Variants in RHOBTB2 observed in about 807,000 individuals in gnomAD.
RHOBTB2 encodes the protein rho-related BTB domain-containing protein 2.
Under a neutral mutation model 66.5 loss-of-function variants are expected in RHOBTB2, and 39 were observed. That is an observed-to-expected ratio of 0.59 (90% CI 0.45 to 0.77). The LOEUF (loss-of-function observed/expected upper bound fraction) is 0.77, where lower values mean the gene tolerates loss of function less well. Among genes scored for constraint, RHOBTB2 ranks in the 30% least tolerant of loss-of-function variants. The pLI, the probability that RHOBTB2 is intolerant of heterozygous loss-of-function variation, is 0.00. For missense variants in RHOBTB2, 755 were observed against 999.1 expected, an observed-to-expected ratio of 0.76 and a Z score of 3.29; for synonymous variants, 390 against 395.0, an observed-to-expected ratio of 0.99 and a Z score of 0.15.
the RHOBTB2 span, among the ~76,000 whole-genome samples, chr8:22,976,601 C>A: frequency 6.6e-6 from 1 of 152,176 alleles, no homozygotes; most frequent in Non-Finnish European, 1.5e-5. Context: ...GTCAGAAGCA[C>A]TGTTTTTGTT....
At chr8:22,978,241 G>T in the RHOBTB2 span, 1 of 152,062 alleles carries the variant, frequency 6.6e-6, no homozygotes, top group Non-Finnish European at 1.5e-5. Context: ...GAAAAGTTAT[G>T]GCCCAAAAAA....
At chr8:22,966,922 T>C in the RHOBTB2 span, among the ~76,000 whole-genome samples, 1 of 152,202 alleles carries the variant, frequency 6.6e-6, no homozygotes, top group African/African-American at 2.4e-5. Context: ...TACAAGGATG[T>C]AGAGACATTA....
At chr8:23,014,550 G>A in intron 7 of RHOBTB2, 140 bp from the exon 8 acceptor site, 1 of 682,660 alleles carries the variant, frequency 1.5e-6, no homozygotes, top group Non-Finnish European at 2.6e-6. Context: ...AGACGTCATA[G>A]CCTGGGGCCT....
At chr8:22,980,854 T>G in the RHOBTB2 span, among the ~76,000 whole-genome samples, 1 of 152,246 alleles carries the variant, frequency 6.6e-6, no homozygotes, top group South Asian at 2.1e-4. Context: ...TGTTTCAACT[T>G]GATTACATTA....
intron 7 of RHOBTB2, among the ~76,000 whole-genome samples, chr8:23,014,103 T>C (rs1349150273): frequency 2.0e-5 from 3 of 152,230 alleles, no homozygotes; most frequent in Admixed American, 6.5e-5. Flanking sequence ...TTCTAGGTCT[T>C]TTCTGGGGGC....
upstream of RHOBTB2, among the ~76,000 whole-genome samples, chr8:22,983,701 T>C (rs774689065): frequency 8.3e-4 from 127 of 152,170 alleles, no homozygotes; most frequent in Non-Finnish European, 1.5e-3. Context: ...TGGTTTCACA[T>C]ACTTTGGATG....
In RHOBTB2 at chr8:23,018,187, C is replaced by T. The variant is rs1445465659; in HGVS notation, c.*718C>T. On this transcript the variant is annotated 3_prime_UTR_variant, in exon 10 of 10. Transcript: ENST00000251822. ...GTGCAACAAGAAACTTCTCCCTCACCCCCTCCTTTACCCTCAGATTTGGAG... is the reference window on the plus strand; with the variant it reads ...GTGCAACAAGAAACTTCTCCCTCACTCCCTCCTTTACCCTCAGATTTGGAG... 3 of 152,452 alleles carry T rather than the reference C, an allele frequency of 2.0e-5. No homozygotes were observed. Among genetic ancestry groups the T allele is most frequent in the African/African-American group, 7.2e-5 (3 of 41,442 alleles). 9.4% of individuals were successfully genotyped at this position (152,452 alleles called of 1,614,324 possible).
chr8:22,968,768 G>T, the RHOBTB2 span, among the ~76,000 whole-genome samples: 1 of 132,924 alleles, frequency 7.5e-6, no homozygotes, highest in Non-Finnish European at 1.6e-5. Flanking sequence ...GAAGTAAGAC[G>T]CTGGGACAAC....
intron 3 of RHOBTB2, 27 bp from the exon 4 acceptor site, chr8:23,005,933 C>G: frequency 6.3e-7 from 1 of 1,597,116 alleles, no homozygotes; most frequent in Non-Finnish European, 8.6e-7. Context: ...TGTTTCTCTG[C>G]CCGTAACCTT....
In RHOBTB2 at chr8:23,000,342, T is replaced by G. The variant is rs1585186303; in HGVS notation, c.-11+237T>G. Among the ~76,000 whole-genome samples the G allele has an allele frequency of 2.0e-5, 3 of 152,326 alleles. No individual in the cohort carries two copies. The Middle Eastern group carries it at 0.01, about 518-fold the overall frequency. On this transcript the variant is annotated intron_variant, in intron 1 of 9. Transcript: ENST00000251822. ...CTGTCGTGCCCCTCCCCCTTCTCGATGTTTAAAAATTTTTAAATTTCTATT... is the reference window on the plus strand; with the variant it reads ...CTGTCGTGCCCCTCCCCCTTCTCGAGGTTTAAAAATTTTTAAATTTCTATT...
upstream of RHOBTB2, chr8:22,995,747 A>C: frequency 8.9e-7 from 1 of 1,119,512 alleles, no homozygotes; most frequent in Non-Finnish European, 1.3e-6. Context: ...ACTTTGCCCC[A>C]GCTGCAGGGT....
chr8:22,983,670 C>CT (rs1006500090), upstream of RHOBTB2, among the ~76,000 whole-genome samples: 11 of 151,732 alleles, frequency 7.2e-5, no homozygotes, highest in Middle Eastern at 3.2e-3. Context: ...AGAGGTATGA[C>CT]TTTTTTATCA....
the RHOBTB2 span, among the ~76,000 whole-genome samples, chr8:22,959,382 G>T: frequency 6.6e-6 from 1 of 152,170 alleles, no homozygotes; most frequent in Non-Finnish European, 1.5e-5. Flanking sequence ...GAGTAGCTGG[G>T]ATTACAGGTG....
At chr8:23,013,785 C>G (rs918771303) in intron 7 of RHOBTB2, among the ~76,000 whole-genome samples, 1 of 152,220 alleles carries the variant, frequency 6.6e-6, no homozygotes, top group Non-Finnish European at 1.5e-5. Flanking sequence ...CGTGAGCCAC[C>G]GTGCCCGGCC....
At chr8:23,011,381 T>C (rs1811142752) in intron 7 of RHOBTB2, among the ~76,000 whole-genome samples, 1 of 152,186 alleles carries the variant, frequency 6.6e-6, no homozygotes, top group African/African-American at 2.4e-5. Context: ...GTGGTTCTCC[T>C]CCTTCTTCCT....
chr8:22,981,139 G>C, the RHOBTB2 span, among the ~76,000 whole-genome samples: 2 of 152,112 alleles, frequency 1.3e-5, no homozygotes, highest in Non-Finnish European at 2.9e-5. Context: ...CATATAAAAG[G>C]TCTGCTTGTC....
At chr8:22,990,907 G>A (rs1585179717) in intron 1 of RHOBTB2, among the ~76,000 whole-genome samples, 2 of 152,216 alleles carry the variant, frequency 1.3e-5, no homozygotes, top group African/African-American at 2.4e-5. Context: ...TGGCCTGCTT[G>A]CCTGCCTCCC....
chr8:22,987,241 C>T (rs1810304305), upstream of RHOBTB2, among the ~76,000 whole-genome samples: 1 of 152,218 alleles, frequency 6.6e-6, no homozygotes, highest in African/African-American at 2.4e-5. Context: ...ATCAAGAATG[C>T]TCACCTGGCC....
At chr8:22,986,598 T>G (rs979914156), upstream of RHOBTB2, among the ~76,000 whole-genome samples, 2 of 152,098 alleles carry the variant, frequency 1.3e-5, no homozygotes, top group Non-Finnish European at 2.9e-5. Context: ...CTCTCTTCCC[T>G]TCTCCAGAAT....
Sources: gnomAD v4.1 joint callset for allele counts (sites outside exome capture counted in the v4.1 genomes callset) on GRCh38, gnomAD v4.1.1 for gene constraint, MANE v1.5 for transcripts, NCBI Gene and HGNC (gene_info 2026-07-23, HGNC 2026-07-21) for gene names.